SEMA3F: variants seen among roughly 807,000 people sequenced by gnomAD.
SEMA3F encodes semaphorin 3F, also known as semaphorin-3F.
A neutral mutation model predicts 98.5 loss-of-function variants in SEMA3F; 30 were observed. The ratio of observed to expected loss-of-function variants is 0.30; its 90% CI spans 0.23 to 0.41. The LOEUF (loss-of-function observed/expected upper bound fraction) is 0.41. SEMA3F is among the 10% of genes least tolerant of loss of function. The probability of loss-of-function intolerance (pLI) is 1.00; values close to 1 mark genes in which losing one functional copy is unlikely to be tolerated. For synonymous variants in SEMA3F, 380 were observed against 444.8 expected, an observed-to-expected ratio of 0.85 and a Z score of 1.83; for missense variants, 866 against 1,119.3, an observed-to-expected ratio of 0.77 and a Z score of 3.23.
chr3:50,173,503 G>A (rs1436141809), intron 2 of SEMA3F: 3 of 395,802 alleles, frequency 7.6e-6, no homozygotes, highest in Non-Finnish European at 1.4e-5. Flanking sequence ...TAAGCTGGGT[G>A]TGGTGGCTGA....
intron 7 of SEMA3F, among the ~76,000 whole-genome samples, chr3:50,181,801 G>T (rs1275567624): frequency 6.6e-6 from 1 of 151,982 alleles, no homozygotes. Context: ...CTGTATTTTA[G>T]TATAGGTAGG....
At chr3:50,167,645 G>A (rs192819693) in intron 2 of SEMA3F, among the ~76,000 whole-genome samples, 41 of 151,014 alleles carry the variant, frequency 2.7e-4, no homozygotes, top group Middle Eastern at 3.4e-3. Flanking sequence ...ACCCCTGTAC[G>A]GTGTTTACTG....
At chr3:50,186,214 G>T in intron 16 of SEMA3F, 67 bp from the exon 17 acceptor site, 1 of 1,549,826 alleles carries the variant, frequency 6.5e-7, no homozygotes, top group South Asian at 1.1e-5. Context: ...CCTGGAGTCA[G>T]GGAGATACAG....
At chr3:50,179,622 G>A (rs976069518) in intron 7 of SEMA3F, among the ~76,000 whole-genome samples, 1 of 152,224 alleles carries the variant, frequency 6.6e-6, no homozygotes, top group African/African-American at 2.4e-5. Context: ...CACTGGCCCT[G>A]GCCAGAAGGC....
rs1697999460 is a variant in SEMA3F, at chr3:50,156,694, G to A, written c.-49+1130G>A. Among the ~76,000 whole-genome samples, 1 of 152,206 alleles carries A rather than the reference G, an allele frequency of 6.6e-6. No homozygotes were observed. The highest frequency in any genetic ancestry group is 6.5e-5 in the Admixed American group (1 of 15,290). ...GGTATAGTGTCTAGGCAGGCGGGGG[G>A]CACAGGCATGCCTACTCCTGCTGCT... On this transcript the variant is annotated intron_variant, in intron 1 of 18. Coordinates refer to ENST00000002829, the MANE Select transcript of SEMA3F (RefSeq NM_004186.5). The surrounding 1 kb of genome is among the most constrained non-coding windows in gnomAD (Gnocchi z 4.5).
intron 6 of SEMA3F, among the ~76,000 whole-genome samples, 179 bp downstream of exon 6, chr3:50,175,367 A>T (rs1228005113): frequency 6.6e-6 from 1 of 152,184 alleles, no homozygotes; most frequent in African/African-American, 2.4e-5. Flanking sequence ...AGCTGGACTC[A>T]TGTCAGCCTC....
intron 2 of SEMA3F, among the ~76,000 whole-genome samples, chr3:50,172,246 C>T (rs1435136698): frequency 6.6e-6 from 1 of 152,216 alleles, no homozygotes; most frequent in African/African-American, 2.4e-5. Context: ...ATGCCTGTGC[C>T]ACGTGTATAC....
chr3:50,155,076 G>T, upstream of SEMA3F: 1 of 379,532 alleles, frequency 2.6e-6, no homozygotes. The surrounding 1 kb of genome is among the most constrained non-coding windows in gnomAD (Gnocchi z 4.9). Flanking sequence ...CGTCCCGCCG[G>T]CGGCCGCGAG....
chr3:50,159,581 A>C lies in SEMA3F; in HGVS notation c.-42A>C. On this transcript the variant is annotated 5_prime_UTR_variant, in exon 2 of 19. Coordinates refer to ENST00000002829, the MANE Select transcript of SEMA3F (RefSeq NM_004186.5). ...TCTTGGTTCCCCTTCCCAGGTTTCT[A>C]GAGAGTGGAGCCTGCTTCCTGGGCC... The C allele has an allele frequency of 4.8e-6, 6 of 1,248,238 alleles. No individual in the cohort carries two copies. Among genetic ancestry groups the C allele is most frequent in the Non-Finnish European group, 6.9e-6 (6 of 870,932 alleles). The allele number at this position is 1,248,238 out of a possible 1,614,324, so 77.3% of individuals were successfully genotyped here.
chr3:50,175,839 C>T (rs1004650065), intron 6 of SEMA3F, among the ~76,000 whole-genome samples: 2 of 152,112 alleles, frequency 1.3e-5, no homozygotes, highest in Non-Finnish European at 2.9e-5. Context: ...CAGGCGGTTC[C>T]GTGTGCTGGC....
chr3:50,175,003 C>A, intron 5 of SEMA3F, 93 bp from the exon 6 acceptor site: 1 of 835,640 alleles, frequency 1.2e-6, no homozygotes. Context: ...CACGTGTGTT[C>A]CTGGCCTGTG....
At chr3:50,175,054 C>G (rs749408474) in intron 5 of SEMA3F, 42 bp from the exon 6 acceptor site, 1 of 1,401,792 alleles carries the variant, frequency 7.1e-7, no homozygotes, top group South Asian at 1.2e-5. Flanking sequence ...TCCCCCAGCC[C>G]CTGCCACCCC....
chr3:50,168,984 G>A (rs1698506849), intron 2 of SEMA3F, among the ~76,000 whole-genome samples: 1 of 152,192 alleles, frequency 6.6e-6, no homozygotes, highest in Non-Finnish European at 1.5e-5. Flanking sequence ...TCTGAGCTAG[G>A]CTGCAGGGAT....
chr3:50,166,306 G>A lies in SEMA3F; in HGVS notation c.112+6572G>A, dbSNP rs1575382090. 6.6e-6 allele frequency among the ~76,000 whole-genome samples: 1 copy of A among 152,340 alleles called. No individual in the cohort carries two copies. Among genetic ancestry groups the A allele is most frequent in the African/African-American group, 2.4e-5 (1 of 41,578 alleles). ...TGTCTGCTGTTCAGCCAGCACGGTT[G>A]CCTTCTAAGGGTCATACACTACAAT... On this transcript the variant is annotated intron_variant, in intron 2 of 18. Coordinates refer to ENST00000002829, the MANE Select transcript of SEMA3F (RefSeq NM_004186.5). The surrounding 1 kb of genome is among the most constrained non-coding windows in gnomAD (Gnocchi z 4.7).
chr3:50,184,852 C>T, intron 13 of SEMA3F, 38 bp downstream of exon 13: 2 of 1,511,450 alleles, frequency 1.3e-6, no homozygotes, highest in South Asian at 2.3e-5. Context: ...CACGCTGGGC[C>T]CACCGGGTGC....
Position 50,175,129 on chromosome 3 carries a change from G to A in SEMA3F, c.490G>A (p.Gly164Ser). The stretch of plus-strand genomic sequence containing the variant: ...ATGGACCCAGACTCAGGCGGTCAGA[G>A]GCCGCGGCAGCAGAGCCACGGATGG... Reference protein sequence around the residue: ...TPWTQTQAVRGRGSRATDGAL... With the variant: ...TPWTQTQAVRSRGSRATDGAL... The change falls in exon 6 of 19, where the codon GGC (glycine) becomes AGC (serine). Residue 164 changes from glycine (G) to serine (S), a missense_variant. Physicochemically the swap from Gly to Ser is moderately conservative, Grantham distance 56. This residue lies in a region of SEMA3F where 247 missense variants were observed against 276.0 expected (regional missense o/e 0.89). Coordinates refer to ENST00000002829, the MANE Select transcript of SEMA3F (RefSeq NM_004186.5). 1.9e-6 allele frequency: 3 copies of A among 1,611,174 alleles called. No individual in the cohort carries two copies. The highest frequency in any genetic ancestry group is 2.2e-5 in the East Asian group (1 of 44,760).
chr3:50,170,421 T>C (rs1698558517), intron 2 of SEMA3F, among the ~76,000 whole-genome samples: 1 of 152,066 alleles, frequency 6.6e-6, no homozygotes, highest in East Asian at 1.9e-4. Flanking sequence ...GGGGTGGGAA[T>C]GGGGATGGAT....
In SEMA3F at chr3:50,182,936, C is replaced by G. The variant is rs751995189; in HGVS notation, c.936C>G (p.Asn312Lys). ...NDDGGHCCLV[N>K]KWSTFLKARL... Reference sequence around the variant, plus strand: ...ACGGTGGTCACTGTTGCCTGGTCAACAAGTGGAGCACATTCCTGAAGGCGC... The same window carrying G: ...ACGGTGGTCACTGTTGCCTGGTCAAGAAGTGGAGCACATTCCTGAAGGCGC... The change falls in exon 10 of 19, where the codon AAC becomes AAG. Residue 312 changes from asparagine to lysine, a missense_variant. Coordinates refer to ENST00000002829, the MANE Select transcript of SEMA3F (RefSeq NM_004186.5). This position sits in a 1 kb window ranked among gnomAD's most constrained non-coding sequence, Gnocchi z 4.5. 2.5e-5 allele frequency: 40 copies of G among 1,613,932 alleles called. No individual in the cohort carries two copies. The highest frequency in any genetic ancestry group is 5.0e-5 in the Admixed American group (3 of 60,004).
At position 50,187,848 on chromosome 3, in the gene SEMA3F, G is replaced by A. The variant is rs752799540; in HGVS notation, c.2091G>A (p.Leu697=). The change falls in exon 19 of 19, where the codon CTG becomes CTA. Residue 697 remains leucine (L), a synonymous_variant. Coordinates refer to ENST00000002829, the MANE Select transcript of SEMA3F (RefSeq NM_004186.5). ...HVVTRVQLHV[L]GRDAVHAALF... is the part of the protein sequence containing the mutation. The stretch of plus-strand genomic sequence containing the variant: ...TCACACGAGTGCAGCTGCATGTACT[G>A]GGCCGGGACGCCGTCCATGCTGCCC... The A allele has an allele frequency of 6.2e-7, 1 of 1,613,346 alleles. No homozygotes were observed. The highest frequency in any genetic ancestry group is 8.5e-7 in the Non-Finnish European group (1 of 1,179,954).
Sources: gnomAD v4.1 joint callset for allele counts (sites outside exome capture counted in the v4.1 genomes callset) on GRCh38, gnomAD v4.1.1 for gene constraint, gnomAD v4.1.1 regional missense constraint, Gnocchi (gnomAD v3.1) non-coding constraint, MANE v1.5 for transcripts, NCBI Gene and HGNC (gene_info 2026-07-23, HGNC 2026-07-21) for gene names.